EVI2B: variants seen among roughly 807,000 people sequenced by gnomAD.
EVI2B encodes ecotropic viral integration site 2B.
EVI2B carries 4 observed loss-of-function variants against 6.6 expected under a neutral mutation model. That is an observed-to-expected ratio of 0.61 (90% CI 0.30 to 1.39). EVI2B has a LOEUF of 1.39. Ranked by LOEUF, EVI2B falls within the 40% of genes most tolerant of loss-of-function variation. The probability of loss-of-function intolerance (pLI) is 0.08; values close to 1 mark genes in which losing one functional copy is unlikely to be tolerated. For synonymous variants in EVI2B, 181 were observed against 186.8 expected (o/e 0.97, Z 0.25); for missense variants, 484 against 516.6 (o/e 0.94, Z 0.61).
chr17:31,313,431 C>T (rs938854102), intron 1 of EVI2B, among the ~76,000 whole-genome samples: 4 of 151,952 alleles, frequency 2.6e-5, no homozygotes, highest in African/African-American at 7.3e-5. Flanking sequence ...TGGCTGGGAG[C>T]GGTGGCTCAC....
Position 31,313,979 on chromosome 17 carries a change from C to T in EVI2B, c.-22G>A, listed in dbSNP as rs2068958233. On this transcript the variant is annotated splice_region_variant and 5_prime_UTR_variant, in exon 1 of 2. Transcript: ENST00000330927. ...CCAAATTGTGTGAAAATTTTCTTACCTCAGCTGTTAACTTCTTTTGCAGAA... is the reference window on the plus strand; with the variant it reads ...CCAAATTGTGTGAAAATTTTCTTACTTCAGCTGTTAACTTCTTTTGCAGAA... 7.5e-6 allele frequency: 3 copies of T among 397,794 alleles called. No homozygotes were observed. In the Admixed American group the frequency reaches 1.3e-4, roughly 18 times the overall value. 24.6% of individuals were successfully genotyped at this position (397,794 alleles called of 1,614,324 possible). A position where few individuals can be genotyped will look rare whatever the true frequency, so the allele number is the denominator to read the frequency against.
At chr17:31,310,638 T>C (rs1293873050) in intron 1 of EVI2B, among the ~76,000 whole-genome samples, 2 of 151,104 alleles carry the variant, frequency 1.3e-5, no homozygotes, top group East Asian at 1.9e-4. Context: ...ATCCTCTCCC[T>C]TTTTTTTTCC....
chr17:31,311,264 C>G (rs1217523566), intron 1 of EVI2B, among the ~76,000 whole-genome samples: 1 of 151,766 alleles, frequency 6.6e-6, no homozygotes, highest in Non-Finnish European at 1.5e-5. Context: ...TAGACATGTT[C>G]TTATAAATAT....
chr17:31,309,181 T>G (rs751263006), intron 1 of EVI2B, among the ~76,000 whole-genome samples: 5 of 152,228 alleles, frequency 3.3e-5, no homozygotes, highest in Non-Finnish European at 5.9e-5. Context: ...AAGCATACAT[T>G]CTTTCTGCTA....
Position 31,304,662 on chromosome 17 carries a change from T to G in EVI2B, c.948A>C (p.Thr316=). ...TTGAACCATCAGCACTATCTTCTGATGTACCATTTACTTGATCTTTTATTT... is the reference window on the plus strand; with the variant it reads ...TTGAACCATCAGCACTATCTTCTGAGGTACCATTTACTTGATCTTTTATTT... ...TEKIKDQVNG[T]SEDSADGSTV... is the part of the protein sequence containing the mutation. The change falls in exon 2 of 2, where the codon ACA becomes ACC. Residue 316 remains threonine, a synonymous_variant. Transcript: ENST00000330927. The G allele has an allele frequency of 6.2e-7, 1 of 1,614,208 alleles. No individual in the cohort carries two copies. Among genetic ancestry groups the G allele is most frequent in the Non-Finnish European group, 8.5e-7 (1 of 1,180,026 alleles).
intron 1 of EVI2B, among the ~76,000 whole-genome samples, chr17:31,310,707 C>T (rs1293759739): frequency 3.9e-5 from 6 of 151,950 alleles, no homozygotes; most frequent in East Asian, 1.9e-4. Context: ...TACCCGTGTA[C>T]GTTTTATATA....
At chr17:31,309,134 C>CA (rs1316950323) in intron 1 of EVI2B, among the ~76,000 whole-genome samples, 13 of 152,194 alleles carry the variant, frequency 8.5e-5, no homozygotes. Context: ...CTCGAAGTGA[C>CA]AGATTGGGAG....
intron 1 of EVI2B, among the ~76,000 whole-genome samples, chr17:31,305,919 C>T (rs1418939897): frequency 6.6e-6 from 1 of 152,202 alleles, no homozygotes; most frequent in African/African-American, 2.4e-5. Context: ...GCCCCTCTAG[C>T]TTCATTATAT....
chr17:31,304,293 G>A lies in EVI2B; in HGVS notation c.1317C>T (p.Ser439=), dbSNP rs201351282. Residue 439 remains serine, a synonymous_variant, in exon 2 of 2, where the codon TCC becomes TCT. Transcript: ENST00000330927. ...ACAGTTCTGCAGGTGGAGGTGGCAG[G>A]GATTCATTAAGATCTTGATCAGAGT... ...PPNSDQDLNE[S]LPPPPAELL 57 of 1,612,408 alleles carry A rather than the reference G, an allele frequency of 3.5e-5. No individual in the cohort carries two copies. The highest frequency in any genetic ancestry group is 2.2e-5 in the Non-Finnish European group (26 of 1,179,356).
chr17:31,311,878 A>T (rs899758778), intron 1 of EVI2B, among the ~76,000 whole-genome samples: 3 of 152,180 alleles, frequency 2.0e-5, no homozygotes, highest in African/African-American at 7.2e-5. Context: ...TGAAGGAAGG[A>T]GATGTGAGTT....
chr17:31,304,100 T>TA lies in EVI2B; in HGVS notation c.*162dup, dbSNP rs1276232980. On this transcript the variant is annotated 3_prime_UTR_variant, in exon 2 of 2. Transcript: ENST00000330927. ...TAGATTACTGTTAAATAACTTTTTTTAAAAAAAAGTTTCATCTATGCACAT... is the reference window on the plus strand; with the variant it reads ...TAGATTACTGTTAAATAACTTTTTTTAAAAAAAAAGTTTCATCTATGCACAT... The TA allele has an allele frequency of 5.0e-5, 30 of 604,896 alleles. No individual in the cohort carries two copies. Among genetic ancestry groups the TA allele is most frequent in the South Asian group, 1.7e-4 (6 of 35,822 alleles). 37.5% of individuals were successfully genotyped at this position (604,896 alleles called of 1,614,324 possible). A position where few individuals can be genotyped will look rare whatever the true frequency, so the allele number is the denominator to read the frequency against.
At position 31,304,596 on chromosome 17, in the gene EVI2B, C is replaced by T. The variant is rs1438945482; in HGVS notation, c.1014G>A (p.Leu338=). 11 of 1,613,976 alleles carry T rather than the reference C, an allele frequency of 6.8e-6. No homozygotes were observed. Among genetic ancestry groups the T allele is most frequent in the Non-Finnish European group, 8.5e-6 (10 of 1,180,016 alleles). The change falls in exon 2 of 2, where the codon CTG becomes CTA. Residue 338 remains leucine, a synonymous_variant. Coordinates refer to ENST00000330927, the MANE Select transcript of EVI2B (RefSeq NM_006495.4). ...AATCCAGAAGGGGAGGTGGTGGAGG[C>T]AGATCTGCATCATCTGAAGAAGAAA... is the stretch of plus-strand genomic sequence containing the variant. ...TAVSSSDDAD[L]PPPPPLLDLE... is the part of the protein sequence containing the mutation.
At chr17:31,306,065 C>T (rs1054537036) in intron 1 of EVI2B, among the ~76,000 whole-genome samples, 1 of 152,158 alleles carries the variant, frequency 6.6e-6, no homozygotes, top group Non-Finnish European at 1.5e-5. Context: ...CAGTGATCAT[C>T]TGTTACCTAA....
At chr17:31,310,974 TCTCA>T (rs2074054322) in intron 1 of EVI2B, among the ~76,000 whole-genome samples, 1 of 145,284 alleles carries the variant, frequency 6.9e-6, no homozygotes, top group African/African-American at 2.6e-5. Context: ...GGAGACAGGG[TCTCA>T]CTCTGTCACC....
Position 31,304,026 on chromosome 17 carries a change from C to T in EVI2B, c.*237G>A. ...TTAAATTATTGAAACATACCATTTA[C>T]ATATGTAAAATGTACTATACTTTAA... On this transcript the variant is annotated 3_prime_UTR_variant, in exon 2 of 2. Transcript: ENST00000330927. The T allele has an allele frequency of 5.7e-6, 2 of 352,888 alleles. No homozygotes were observed. Among genetic ancestry groups the T allele is most frequent in the South Asian group, 5.6e-5 (1 of 17,766 alleles). 21.9% of individuals were successfully genotyped at this position (352,888 alleles called of 1,614,324 possible). A position where few individuals can be genotyped will look rare whatever the true frequency, so the allele number is the denominator to read the frequency against.
At position 31,304,884 on chromosome 17, in the gene EVI2B, A is replaced by C; in HGVS notation, c.726T>G (p.Ser242=). ...VLNDQNWAGR[S]PFADGETPDI... The stretch of plus-strand genomic sequence containing the variant: ...CAGGGGTTTCTCCATCAGCAAATGG[A>C]GATCTACCTGCCCAATTTTGATCAT... The change falls in exon 2 of 2, where the codon TCT becomes TCG. Residue 242 remains serine (S), a synonymous_variant. Transcript: ENST00000330927. The C allele has an allele frequency of 6.2e-7, 1 of 1,614,148 alleles. No homozygotes were observed. Among genetic ancestry groups the C allele is most frequent in the African/African-American group, 1.3e-5 (1 of 75,056 alleles).
At chr17:31,309,540 T>G (rs965864737) in intron 1 of EVI2B, among the ~76,000 whole-genome samples, 4 of 152,226 alleles carry the variant, frequency 2.6e-5, no homozygotes, top group Non-Finnish European at 4.4e-5. Flanking sequence ...GAAAATGTTA[T>G]TCTCTTCAGA....
intron 1 of EVI2B, among the ~76,000 whole-genome samples, chr17:31,311,696 A>C (rs762912562): frequency 6.6e-6 from 1 of 152,212 alleles, no homozygotes; most frequent in Non-Finnish European, 1.5e-5. Context: ...TCCTACAGAT[A>C]AGGAAACTGA....
At chr17:31,307,151 A>G (rs1161621173) in intron 1 of EVI2B, among the ~76,000 whole-genome samples, 3 of 152,148 alleles carry the variant, frequency 2.0e-5, no homozygotes, top group Middle Eastern at 3.4e-3. Flanking sequence ...GCCTCCAAGT[A>G]GCTGGGATTA....
Sources: gnomAD v4.1 joint callset for allele counts (sites outside exome capture counted in the v4.1 genomes callset) on GRCh38, gnomAD v4.1.1 for gene constraint, MANE v1.5 for transcripts, NCBI Gene and HGNC (gene_info 2026-07-23, HGNC 2026-07-21) for gene names.